FGD4: variants seen among roughly 807,000 people sequenced by gnomAD.
FGD4 encodes FYVE, RhoGEF and PH domain-containing protein 4.
FGD4 carries 42 observed loss-of-function variants against 102.0 expected under a neutral mutation model. The ratio of observed to expected loss-of-function variants is 0.41; its 90% CI spans 0.32 to 0.53. The LOEUF is 0.53. Among genes scored for constraint, FGD4 ranks in the 20% least tolerant of loss-of-function variants. FGD4 has a pLI of 0.21. For missense variants in FGD4, 902 were observed against 1,078.2 expected (o/e 0.84, Z 2.29); for synonymous variants, 380 against 375.7 (o/e 1.01, Z -0.13).
intron 1 of FGD4, among the ~76,000 whole-genome samples, chr12:32,538,851 G>A (rs891704041): frequency 1.3e-5 from 2 of 152,028 alleles, no homozygotes; most frequent in Admixed American, 1.3e-4. Flanking sequence ...CAGAAGATCC[G>A]AGACCATCCT....
Position 32,587,187 on chromosome 12 carries a change from CAAAAAAAAA to C in FGD4, c.1011+4737_1011+4745del, listed in dbSNP as rs1181469038. Among the ~76,000 whole-genome samples, 319 of 66,154 alleles carry C rather than the reference CAAAAAAAAA, an allele frequency of 4.8e-3. 1 individual carries two copies. The highest frequency in any genetic ancestry group is 0.014 in the African/African-American group (298 of 20,938). The allele number at this position is 66,154 out of a possible 152,430, so 43.4% of individuals were successfully genotyped here. A position where few individuals can be genotyped will look rare whatever the true frequency, so the allele number is the denominator to read the frequency against. ...CCTGGATGACAGGGTGAGACTCTCT[CAAAAAAAAA>C]AAAAAAAAAAAAAAAATTCTGGAAG... On this transcript the variant is annotated intron_variant, in intron 4 of 16. Coordinates refer to ENST00000534526, the MANE Select transcript of FGD4 (RefSeq NM_001370298.3).
At chr12:32,564,006 C>T (rs547481507) in intron 1 of FGD4, 131 bp from the exon 2 acceptor site, 116 of 797,606 alleles carry the variant, frequency 1.5e-4, no homozygotes, top group Non-Finnish European at 1.9e-4. Context: ...AGAGGGAGAC[C>T]GTGGAAAGGG....
chr12:32,633,639 A>G lies in FGD4; in HGVS notation c.2263A>G (p.Ile755Val), dbSNP rs764635514. 23 of 1,610,746 alleles carry G rather than the reference A, an allele frequency of 1.4e-5. No individual in the cohort carries two copies. In the Admixed American group the frequency reaches 2.2e-4, roughly 15 times the overall value. Reference sequence around the variant, plus strand: ...AGTTTGTAAAGACTGTTATCAAATCATAAGTGGATTCACAGACAGTGAAGA... The same window carrying G: ...AGTTTGTAAAGACTGTTATCAAATCGTAAGTGGATTCACAGACAGTGAAGA... ...SKVCKDCYQI[I>V]SGFTDSEEKK... is the part of the protein sequence containing the mutation. The change falls in exon 15 of 17, where the codon ATA becomes GTA. Residue 755 changes from isoleucine to valine, a missense_variant. This residue lies in a region of FGD4 where 459 missense variants were observed against 619.0 expected (regional missense o/e 0.74). Transcript: ENST00000534526.
At chr12:32,498,112 G>A (rs976505193) in intron 1 of FGD4, among the ~76,000 whole-genome samples, 2 of 152,174 alleles carry the variant, frequency 1.3e-5, no homozygotes, top group Non-Finnish European at 2.9e-5. Flanking sequence ...TTTATAATTA[G>A]GGAGTTGTCG....
intron 1 of FGD4, among the ~76,000 whole-genome samples, chr12:32,417,513 A>G (rs1941465991): frequency 1.3e-5 from 2 of 151,912 alleles, no homozygotes; most frequent in African/African-American, 4.8e-5. Context: ...GCTGGAGTAC[A>G]ATGGTGCGAT....
intron 1 of FGD4, among the ~76,000 whole-genome samples, chr12:32,498,849 C>T (rs1252341176): frequency 6.6e-6 from 1 of 152,216 alleles, no homozygotes; most frequent in Non-Finnish European, 1.5e-5. Flanking sequence ...GATCCGCCTG[C>T]CTTGGCCTCC....
At chr12:32,432,204 C>A (rs1417905080) in intron 1 of FGD4, among the ~76,000 whole-genome samples, 1 of 151,770 alleles carries the variant, frequency 6.6e-6, no homozygotes, top group Non-Finnish European at 1.5e-5. Flanking sequence ...GGACTACAGG[C>A]GCCCACCACC....
intron 4 of FGD4, among the ~76,000 whole-genome samples, chr12:32,592,139 A>G (rs1365831321): frequency 6.6e-6 from 1 of 151,928 alleles, no homozygotes; most frequent in South Asian, 2.1e-4. Context: ...CTGCGGTGCA[A>G]TGGTGTGATC....
At chr12:32,486,670 T>C (rs938856046) in intron 1 of FGD4, among the ~76,000 whole-genome samples, 2 of 152,244 alleles carry the variant, frequency 1.3e-5, no homozygotes, top group African/African-American at 4.8e-5. Flanking sequence ...GGTACATTGG[T>C]AATTCTCAGG....
chr12:32,588,322 G>T (rs773214456), intron 4 of FGD4, among the ~76,000 whole-genome samples: 8 of 152,154 alleles, frequency 5.3e-5, no homozygotes, highest in Admixed American at 1.3e-4. Context: ...ATACAAAGAA[G>T]AAACTTACAG....
Position 32,421,927 on chromosome 12 carries a change from T to C in FGD4, c.166+21968T>C, listed in dbSNP as rs1038391086. On this transcript the variant is annotated intron_variant, in intron 1 of 16. Coordinates refer to ENST00000534526, the MANE Select transcript of FGD4 (RefSeq NM_001370298.3). Reference sequence around the variant, plus strand: ...AGGCTGAGGCAGGCGGATCATGAGGTCAGGAGATCGAGACCATCCTGGCCA... The same window carrying C: ...AGGCTGAGGCAGGCGGATCATGAGGCCAGGAGATCGAGACCATCCTGGCCA... 9.2e-5 allele frequency among the ~76,000 whole-genome samples: 14 copies of C among 151,614 alleles called. No individual in the cohort carries two copies. The East Asian group carries it at 2.7e-3, about 29-fold the overall frequency.
At position 32,600,552 on chromosome 12, in the gene FGD4, G is replaced by T; in HGVS notation, c.1102-726G>T. On this transcript the variant is annotated intron_variant, in intron 5 of 16. Coordinates refer to ENST00000534526, the MANE Select transcript of FGD4 (RefSeq NM_001370298.3). Reference sequence around the variant, plus strand: ...AAGTATAGCTAAGACTGAAGGTTTGGGTTTTTGTTTTTTGTTTTTCTTTCT... The same window carrying T: ...AAGTATAGCTAAGACTGAAGGTTTGTGTTTTTGTTTTTTGTTTTTCTTTCT... The T allele has an allele frequency of 1.2e-5, 10 of 808,296 alleles. No homozygotes were observed. In the South Asian group the frequency reaches 1.3e-4, roughly 10 times the overall value. The allele number at this position is 808,296 out of a possible 1,614,324, so 50.1% of individuals were successfully genotyped here. A position where few individuals can be genotyped will look rare whatever the true frequency, so the allele number is the denominator to read the frequency against.
At chr12:32,639,130 CT>C (rs557863732) in intron 16 of FGD4, among the ~76,000 whole-genome samples, 43 of 152,136 alleles carry the variant, frequency 2.8e-4, no homozygotes, top group Non-Finnish European at 2.6e-4. Flanking sequence ...TAAGAAAAGA[CT>C]TTTTAATTTT....
intron 14 of FGD4, among the ~76,000 whole-genome samples, chr12:32,631,732 C>A (rs1228720556): frequency 1.3e-5 from 2 of 152,048 alleles, no homozygotes; most frequent in African/African-American, 4.8e-5. Context: ...TCTTGAACTC[C>A]TGACCTCGTG....
rs1031324844 is a variant in FGD4 at position 32,633,596 on chromosome 12, T to C, written c.2220T>C (p.Asp740=). The C allele has an allele frequency of 1.5e-5, 25 of 1,613,806 alleles. No individual in the cohort carries two copies. The African/African-American group carries it at 3.2e-4, about 21-fold the overall frequency. ...CSDYKAQLEY[D]GGKLSKVCKD... ...ACTACAAAGCTCAACTTGAATATGA[T>C]GGTGGTAAATTGAGCAAAGTTTGTA... Residue 740 remains aspartate (D), a synonymous_variant, in exon 15 of 17, where the codon GAT becomes GAC. Transcript: ENST00000534526.
At chr12:32,632,176 G>GT (rs1424141599) in intron 14 of FGD4, among the ~76,000 whole-genome samples, 4 of 152,166 alleles carry the variant, frequency 2.6e-5, no homozygotes, top group African/African-American at 9.7e-5. Flanking sequence ...AAGATAATGT[G>GT]TTAAACTAGA....
chr12:32,494,889 C>T (rs58010485), intron 1 of FGD4, among the ~76,000 whole-genome samples: 8,576 of 152,208 alleles, frequency 0.056, 262 homozygotes, highest in African/African-American at 0.084. Context: ...AGTGACTAGA[C>T]CTCCCACCCT....
chr12:32,526,927 T>A (rs1276474308), intron 1 of FGD4, among the ~76,000 whole-genome samples: 6 of 152,204 alleles, frequency 3.9e-5, no homozygotes, highest in African/African-American at 7.2e-5. Context: ...GATATAGTAT[T>A]ACGTCGCATG....
At chr12:32,551,488 AAAGT>A (rs1311978796) in intron 1 of FGD4, among the ~76,000 whole-genome samples, 1 of 152,176 alleles carries the variant, frequency 6.6e-6, no homozygotes, top group Non-Finnish European at 1.5e-5. Flanking sequence ...AAGTACAGGG[AAAGT>A]AAGTCATTCA....
Sources: allele counts gnomAD v4.1 joint callset (sites outside exome capture counted in the v4.1 genomes callset), GRCh38; gene constraint gnomAD v4.1.1; regional missense constraint gnomAD v4.1.1; transcripts MANE v1.5; gene names NCBI Gene and HGNC (gene_info 2026-07-23, HGNC 2026-07-21).